The following DPYD variants were observed in gnomAD, a reference collection of about 807,000 sequenced individuals.
The protein encoded by DPYD is dihydropyrimidine dehydrogenase.
Under a neutral mutation model 116.2 loss-of-function variants are expected in DPYD, and 109 were observed. The observed-to-expected ratio is 0.94, with a 90% CI of 0.80 to 1.10. The LOEUF (loss-of-function observed/expected upper bound fraction) is 1.10, where lower values mean the gene tolerates loss of function less well. Ranked by LOEUF, DPYD falls within the 50% of genes least tolerant of loss-of-function variation. DPYD has a pLI of 0.00. For missense variants in DPYD, 1,302 were observed against 1,254.5 expected, an observed-to-expected ratio of 1.04 and a Z score of -0.57; for synonymous variants, 440 against 432.0, an observed-to-expected ratio of 1.02 and a Z score of -0.23.
At chr1:97,411,548 C>T (rs1673994568) in intron 14 of DPYD, among the ~76,000 whole-genome samples, 1 of 152,036 alleles carries the variant, frequency 6.6e-6, no homozygotes, top group Non-Finnish European at 1.5e-5. Context: ...CAACCTCTAA[C>T]ATGTCTCACT....
chr1:97,566,840 A>G (rs933285355), intron 11 of DPYD, among the ~76,000 whole-genome samples: 1 of 152,110 alleles, frequency 6.6e-6, no homozygotes, highest in Non-Finnish European at 1.5e-5. Flanking sequence ...TTAACCAAAA[A>G]CTGTGGTTTA....
chr1:97,121,908 C>T (rs1209573298), intron 20 of DPYD, among the ~76,000 whole-genome samples: 1 of 152,176 alleles, frequency 6.6e-6, no homozygotes, highest in Non-Finnish European at 1.5e-5. Flanking sequence ...AGACAGACAA[C>T]ATCCTGGCCT....
rs150017004 is a variant in DPYD at position 97,527,277 on chromosome 1, C to A, written c.1525-11336G>T. Among the ~76,000 whole-genome samples, 57 of 152,184 alleles carry A rather than the reference C, an allele frequency of 3.7e-4. 2 individuals carry two copies. The East Asian group carries it at 0.011, about 28-fold the overall frequency. On this transcript the variant is annotated intron_variant, in intron 12 of 22. Transcript: ENST00000370192. ...TATTTTTTGTAGAGACAGGGTTTCACCATGTTGGCCAGGATGGTCTTGATT... is the reference window on the plus strand; with the variant it reads ...TATTTTTTGTAGAGACAGGGTTTCAACATGTTGGCCAGGATGGTCTTGATT...
intron 3 of DPYD, among the ~76,000 whole-genome samples, chr1:97,751,773 T>TA (rs1423000850): frequency 0.045 from 5 of 112 alleles, no homozygotes; most frequent in East Asian, 0.42. Flanking sequence ...CTAAAAACGA[T>TA]TTTTTTTTTT....
At chr1:97,835,351 CATGT>C in intron 2 of DPYD, among the ~76,000 whole-genome samples, 1 of 152,052 alleles carries the variant, frequency 6.6e-6, no homozygotes, top group Non-Finnish European at 1.5e-5. Flanking sequence ...TAAATAAAAA[CATGT>C]ATGTGAAAAT....
intron 3 of DPYD, among the ~76,000 whole-genome samples, chr1:97,780,573 G>A (rs1666685270): frequency 6.6e-6 from 1 of 152,142 alleles, no homozygotes; most frequent in Non-Finnish European, 1.5e-5. Flanking sequence ...ACAGCACCTG[G>A]TGACGCCACA....
At chr1:97,796,077 G>A (rs1667553931) in intron 3 of DPYD, among the ~76,000 whole-genome samples, 1 of 151,932 alleles carries the variant, frequency 6.6e-6, no homozygotes, top group Non-Finnish European at 1.5e-5. Flanking sequence ...TACCAATTCT[G>A]TTAGGTGAAT....
chr1:97,399,682 T>C (rs1673244391), intron 14 of DPYD, among the ~76,000 whole-genome samples: 1 of 152,106 alleles, frequency 6.6e-6, no homozygotes, highest in African/African-American at 2.4e-5. Context: ...TAAGTTGGAT[T>C]CCTAGGTATT....
intron 13 of DPYD, among the ~76,000 whole-genome samples, chr1:97,457,866 A>C (rs1008907177): frequency 1.3e-5 from 2 of 152,208 alleles, no homozygotes; most frequent in African/African-American, 4.8e-5. Context: ...CCAATAGCTC[A>C]CAGCAGCTGT....
chr1:97,778,369 A>AT (rs1666544044), intron 3 of DPYD, among the ~76,000 whole-genome samples: 1 of 152,014 alleles, frequency 6.6e-6, no homozygotes, highest in African/African-American at 2.4e-5. Flanking sequence ...TAAACATTAT[A>AT]TTATCTCTAA....
At chr1:97,090,847 G>A (rs1362773495) in intron 21 of DPYD, among the ~76,000 whole-genome samples, 1 of 152,008 alleles carries the variant, frequency 6.6e-6, no homozygotes, top group Non-Finnish European at 1.5e-5. Flanking sequence ...CCTGAGCCTT[G>A]GACCATGCCG....
intron 11 of DPYD, among the ~76,000 whole-genome samples, chr1:97,557,623 C>T (rs1413034091): frequency 6.6e-6 from 1 of 152,038 alleles, no homozygotes; most frequent in African/African-American, 2.4e-5. Context: ...GTCCCATTCC[C>T]TTCTTCAAAA....
intron 2 of DPYD, among the ~76,000 whole-genome samples, chr1:97,861,126 C>T (rs1372140205): frequency 3.3e-5 from 5 of 151,642 alleles, no homozygotes; most frequent in African/African-American, 9.7e-5. Context: ...CAAAATACAC[C>T]GCAAAAAATA....
At chr1:97,543,457 T>C (rs1650598869) in intron 12 of DPYD, among the ~76,000 whole-genome samples, 1 of 152,166 alleles carries the variant, frequency 6.6e-6, no homozygotes, top group African/African-American at 2.4e-5. Context: ...TATCTGAAAA[T>C]GCATATTACA....
chr1:97,407,682 C>A (rs141996270), intron 14 of DPYD, among the ~76,000 whole-genome samples: 1 of 152,104 alleles, frequency 6.6e-6, no homozygotes, highest in Non-Finnish European at 1.5e-5. Context: ...ATCCAATACA[C>A]GGTACTCTTC....
At chr1:97,482,752 C>G (rs1678394762) in intron 13 of DPYD, among the ~76,000 whole-genome samples, 1 of 152,092 alleles carries the variant, frequency 6.6e-6, no homozygotes, top group Non-Finnish European at 1.5e-5. Context: ...AGAGAAAGCA[C>G]TCCCACCCCA....
At chr1:97,592,569 G>A (rs898526820) in intron 10 of DPYD, among the ~76,000 whole-genome samples, 36 of 151,966 alleles carry the variant, frequency 2.4e-4, no homozygotes, top group African/African-American at 8.0e-4. Flanking sequence ...GGGTTTCACC[G>A]TGTTAGTCAG....
intron 10 of DPYD, among the ~76,000 whole-genome samples, chr1:97,575,301 G>T (rs1355253837): frequency 6.6e-6 from 1 of 151,854 alleles, no homozygotes; most frequent in African/African-American, 2.4e-5. Flanking sequence ...AATTCTTGGG[G>T]GAAAGAAAAA....
In DPYD at chr1:97,614,824, A is replaced by AT. The variant is rs545386833; in HGVS notation, c.851-19659dup. ...CACTGAGGAAACTGCAGTCTAGAAA[A>AT]TTTTACAATTCTTAGTGACTAAAAT... On this transcript the variant is annotated intron_variant, in intron 8 of 22. Coordinates refer to ENST00000370192, the MANE Select transcript of DPYD (RefSeq NM_000110.4). Among the ~76,000 whole-genome samples, 228 of 152,228 alleles carry AT rather than the reference A, an allele frequency of 1.5e-3. No individual in the cohort carries two copies. The Middle Eastern group carries it at 0.024, about 16-fold the overall frequency.
Sources: allele counts gnomAD v4.1 joint callset (sites outside exome capture counted in the v4.1 genomes callset), GRCh38; gene constraint gnomAD v4.1.1; transcripts MANE v1.5; gene names NCBI Gene and HGNC (gene_info 2026-07-23, HGNC 2026-07-21).